The following PARL variants were observed in gnomAD, a reference collection of about 807,000 sequenced individuals.
PARL encodes presenilin associated rhomboid like.
PARL carries 44 observed loss-of-function variants against 51.6 expected under a neutral mutation model. The observed-to-expected ratio is 0.85, with a 90% CI of 0.67 to 1.10. The LOEUF is 1.10. PARL is among the 50% of genes least tolerant of loss of function. The pLI is 0.00. For missense variants in PARL, 441 were observed against 469.5 expected (o/e 0.94, Z 0.56); for synonymous variants, 172 against 164.0 (o/e 1.05, Z -0.37).
At chr3:183,884,003 G>A (rs929428329) in intron 1 of PARL, among the ~76,000 whole-genome samples, 9 of 152,234 alleles carry the variant, frequency 5.9e-5, no homozygotes, top group African/African-American at 2.2e-4. Context: ...GAAATTGGAA[G>A]GAATGAAGTT....
At position 183,867,998 on chromosome 3, in the gene PARL, C is replaced by T. The variant is rs749633030; in HGVS notation, c.188G>A (p.Arg63Gln). Residue 63 changes from arginine to glutamine, a missense_variant, in exon 2 of 10, where the codon CGA becomes CAA. Coordinates refer to ENST00000317096, the MANE Select transcript of PARL (RefSeq NM_018622.7). ...ACCACTTGTCCCTGGGTCTGATCTT[C>T]GAGGTTCAACCTTCCTGGGTGCTTT... ...FRKAPRKVEPRRSDPGTSGEA... is the reference protein window; with the variant it reads ...FRKAPRKVEPQRSDPGTSGEA... The T allele has an allele frequency of 2.9e-5, 47 of 1,614,022 alleles. No individual in the cohort carries two copies. Among genetic ancestry groups the T allele is most frequent in the African/African-American group, 1.1e-4 (8 of 74,918 alleles).
At chr3:183,874,606 G>T (rs1015789297) in intron 1 of PARL, among the ~76,000 whole-genome samples, 1 of 151,876 alleles carries the variant, frequency 6.6e-6, no homozygotes, top group African/African-American at 2.4e-5. Flanking sequence ...ATGGGGTTTC[G>T]CCATGTTGGC....
chr3:183,838,034 T>G (rs1728843218), intron 7 of PARL, among the ~76,000 whole-genome samples: 1 of 151,690 alleles, frequency 6.6e-6, no homozygotes, highest in Non-Finnish European at 1.5e-5. Flanking sequence ...TTCTTTTTTT[T>G]TTTTTGAGAT....
intron 1 of PARL, among the ~76,000 whole-genome samples, chr3:183,869,114 C>A (rs1219999363): frequency 1.3e-5 from 2 of 152,186 alleles, no homozygotes; most frequent in African/African-American, 4.8e-5. Context: ...CATATAAATT[C>A]TTGAAACAGT....
intron 3 of PARL, among the ~76,000 whole-genome samples, chr3:183,863,870 A>G (rs1003038210): frequency 6.6e-6 from 1 of 152,252 alleles, no homozygotes; most frequent in Non-Finnish European, 1.5e-5. Flanking sequence ...TTTAATGGGC[A>G]TAGGTTTTAT....
chr3:183,864,802 C>T (rs1274104848), intron 3 of PARL, among the ~76,000 whole-genome samples: 1 of 149,680 alleles, frequency 6.7e-6, no homozygotes, highest in Non-Finnish European at 1.5e-5. Context: ...AAACAAAATA[C>T]ATGTTTTATC....
At chr3:183,861,971 T>C (rs9290775) in intron 4 of PARL, among the ~76,000 whole-genome samples, 114,098 of 151,992 alleles carry the variant, frequency 0.75, 43,096 homozygotes, top group East Asian at 0.96. Context: ...GATGGGGTTT[T>C]GTCATGTTGC....
intron 4 of PARL, among the ~76,000 whole-genome samples, chr3:183,856,071 A>G (rs1457628536): frequency 1.3e-5 from 2 of 152,060 alleles, no homozygotes; most frequent in East Asian, 3.9e-4. Context: ...GTCCCTGCCC[A>G]GGGCTGGGAA....
chr3:183,843,511 T>C (rs1729580621), intron 5 of PARL, among the ~76,000 whole-genome samples: 1 of 151,750 alleles, frequency 6.6e-6, no homozygotes, highest in African/African-American at 2.4e-5. Context: ...CAAGACCCTG[T>C]CTCAAAAAAT....
At chr3:183,864,609 T>C (rs1406735794) in intron 3 of PARL, among the ~76,000 whole-genome samples, 3 of 151,984 alleles carry the variant, frequency 2.0e-5, no homozygotes, top group African/African-American at 7.2e-5. Context: ...ACCCCGTCTC[T>C]ACCAAAAATA....
chr3:183,842,453 A>G lies in PARL; in HGVS notation c.608-6T>C. Reference sequence around the variant, plus strand: ...CATTGGAGAACAAAGGACCTCTACAAGAGAGAGAAACATAGTCTGGTAATC... The same window carrying G: ...CATTGGAGAACAAAGGACCTCTACAGGAGAGAGAAACATAGTCTGGTAATC... On this transcript the variant is annotated splice_polypyrimidine_tract_variant and splice_region_variant and intron_variant, in intron 5 of 9. Coordinates refer to ENST00000317096, the MANE Select transcript of PARL (RefSeq NM_018622.7). 6.2e-7 allele frequency: 1 copy of G among 1,611,416 alleles called. No individual in the cohort carries two copies. The highest frequency in any genetic ancestry group is 8.5e-7 in the Non-Finnish European group (1 of 1,177,890).
intron 7 of PARL, among the ~76,000 whole-genome samples, chr3:183,838,522 G>A (rs946716452): frequency 3.7e-4 from 56 of 152,210 alleles, no homozygotes; most frequent in African/African-American, 7.5e-4. Context: ...CTACCACGGC[G>A]CTGTAGGATT....
In PARL at chr3:183,829,814, T is replaced by A. The variant is rs546421344; in HGVS notation, c.1029-105A>T. On this transcript the variant is annotated intron_variant, in intron 9 of 9. Coordinates refer to ENST00000317096, the MANE Select transcript of PARL (RefSeq NM_018622.7). ...TGACATTTTTAAAATCGAATGCCAC[T>A]CACTATGTAGCCGATTAAAACTGAC... The A allele has an allele frequency of 5.6e-6, 5 of 891,488 alleles. No individual in the cohort carries two copies. In the Admixed American group the frequency reaches 6.9e-5, roughly 12 times the overall value. 55.2% of individuals were successfully genotyped at this position (891,488 alleles called of 1,614,324 possible). A position where few individuals can be genotyped will look rare whatever the true frequency, so the allele number is the denominator to read the frequency against.
intron 4 of PARL, among the ~76,000 whole-genome samples, chr3:183,859,871 G>T (rs568233914): frequency 6.6e-6 from 1 of 152,196 alleles, no homozygotes; most frequent in Non-Finnish European, 1.5e-5. Flanking sequence ...GAGCTCAACA[G>T]ATTCAATGGC....
At chr3:183,877,860 G>A (rs559482753) in intron 1 of PARL, among the ~76,000 whole-genome samples, 1 of 151,090 alleles carries the variant, frequency 6.6e-6, no homozygotes, top group South Asian at 2.1e-4. Context: ...GCATGATCTC[G>A]GCTCACTGCA....
intron 4 of PARL, among the ~76,000 whole-genome samples, chr3:183,855,732 G>A (rs374257346): frequency 2.9e-4 from 44 of 152,150 alleles, no homozygotes; most frequent in African/African-American, 1.0e-3. Context: ...TCAGGCATTA[G>A]ATTCTCATAA....
downstream of PARL, chr3:183,829,194 C>A: frequency 3.8e-6 from 1 of 260,242 alleles, no homozygotes; most frequent in Non-Finnish European, 7.5e-6. Flanking sequence ...TATGTGCAGC[C>A]AACCCAGGGG....
intron 9 of PARL, among the ~76,000 whole-genome samples, chr3:183,832,694 C>T (rs1488841726): frequency 6.6e-6 from 1 of 152,182 alleles, no homozygotes; most frequent in African/African-American, 2.4e-5. Flanking sequence ...GAGTCCTGAC[C>T]GTGTTTCCGT....
chr3:183,872,032 G>T (rs970663116), intron 1 of PARL, among the ~76,000 whole-genome samples: 9 of 136,950 alleles, frequency 6.6e-5, no homozygotes, highest in African/African-American at 2.2e-4. Flanking sequence ...ATGGAGTTTC[G>T]CTCTTGTTGC....
Sources: gnomAD v4.1 joint callset for allele counts (sites outside exome capture counted in the v4.1 genomes callset) on GRCh38, gnomAD v4.1.1 for gene constraint, MANE v1.5 for transcripts, NCBI Gene and HGNC (gene_info 2026-07-23, HGNC 2026-07-21) for gene names.